Variants in COPG2 observed in about 807,000 individuals in gnomAD.
The protein encoded by COPG2 is coat protein complex I subunit gamma 2.
A neutral mutation model predicts 46.3 loss-of-function variants in COPG2; 37 were observed. The ratio of observed to expected loss-of-function variants is 0.80; its 90% CI spans 0.61 to 1.05. The LOEUF (loss-of-function observed/expected upper bound fraction) is 1.05. Ranked by LOEUF, COPG2 falls within the 50% of genes least tolerant of loss-of-function variation. COPG2 has a pLI of 0.00. For missense variants in COPG2, 427 were observed against 387.8 expected (o/e 1.10, Z -0.85); for synonymous variants, 159 against 129.7 (o/e 1.23, Z -1.53).
At chr7:130,558,340 C>A (rs1032450523) in intron 12 of COPG2, among the ~76,000 whole-genome samples, 2 of 152,164 alleles carry the variant, frequency 1.3e-5, no homozygotes, top group African/African-American at 4.8e-5. Context: ...CTCCACACCC[C>A]CCTTGGTCAT....
intron 9 of COPG2, among the ~76,000 whole-genome samples, chr7:130,564,664 C>T (rs1793774403): frequency 6.6e-6 from 1 of 152,166 alleles, no homozygotes. Flanking sequence ...GGTGAAGTTT[C>T]TGGTGTTTTA....
chr7:130,659,919 T>G (rs1312399268), intron 4 of COPG2, among the ~76,000 whole-genome samples: 1 of 151,912 alleles, frequency 6.6e-6, no homozygotes, highest in Non-Finnish European at 1.5e-5. Context: ...ACAACAACAT[T>G]GCAAAAGAAG....
intron 20 of COPG2, among the ~76,000 whole-genome samples, chr7:130,532,219 C>A (rs1266425794): frequency 3.3e-5 from 5 of 152,310 alleles, no homozygotes; most frequent in Admixed American, 2.0e-4. Flanking sequence ...GATGTAGCTG[C>A]AAAGGCAATG....
At chr7:130,512,273 T>A (rs377487727) in intron 20 of COPG2, among the ~76,000 whole-genome samples, 1 of 150,526 alleles carries the variant, frequency 6.6e-6, no homozygotes, top group African/African-American at 2.4e-5. Flanking sequence ...CCAAGCCCCA[T>A]TGCACTCCAG....
chr7:130,574,810 G>A (rs1793975156), intron 9 of COPG2, among the ~76,000 whole-genome samples: 1 of 152,000 alleles, frequency 6.6e-6, no homozygotes, highest in Non-Finnish European at 1.5e-5. Flanking sequence ...AATGATACAA[G>A]AAGTGAAGGG....
intron 20 of COPG2, among the ~76,000 whole-genome samples, chr7:130,512,474 T>C (rs1239544795): frequency 6.6e-6 from 1 of 151,254 alleles, no homozygotes; most frequent in East Asian, 2.0e-4. Flanking sequence ...AAAAAGTCTA[T>C]ATCTATTTCT....
At chr7:130,513,405 A>ATGTGTGTGTGTGTG (rs1799644321) in intron 20 of COPG2, among the ~76,000 whole-genome samples, 1 of 134,256 alleles carries the variant, frequency 7.4e-6, no homozygotes, top group African/African-American at 2.7e-5. Context: ...ATATATATAC[A>ATGTGTGTGTGTGTG]CATATACATA....
chr7:130,524,846 T>G (rs994505599), intron 20 of COPG2, among the ~76,000 whole-genome samples: 6 of 151,890 alleles, frequency 4.0e-5, no homozygotes, highest in Non-Finnish European at 5.9e-5. Flanking sequence ...GTGGATTGAG[T>G]TCGACAGAGG....
intron 22 of COPG2, 119 bp from the exon 23 acceptor site, chr7:130,507,491 G>C: frequency 1.4e-6 from 1 of 717,382 alleles, no homozygotes. Context: ...GGTTGTTGGT[G>C]ATGTGTAGAG....
rs1794895380 is a variant in COPG2 at position 130,613,559 on chromosome 7, T to C, written c.477A>G (p.Ala159=). 1.3e-6 allele frequency: 2 copies of C among 1,593,430 alleles called. No individual in the cohort carries two copies. The highest frequency in any genetic ancestry group is 1.7e-6 in the Non-Finnish European group (2 of 1,167,166). ...GTTCACTTACCAGGGAAGATACCAG[T>C]GCTGAACTGGATACACTGGAAACTT... The part of the protein sequence containing the change: ...VDKVSSVSSS[A]LVSSLHMMKI... The change falls in exon 7 of 24, where the codon GCA becomes GCG. Residue 159 remains alanine (A), a synonymous_variant. Coordinates refer to ENST00000425248, the MANE Select transcript of COPG2 (RefSeq NM_012133.6).
chr7:130,647,018 T>C (rs113993068), intron 5 of COPG2, among the ~76,000 whole-genome samples: 1 of 141,018 alleles, frequency 7.1e-6, no homozygotes, highest in Non-Finnish European at 1.5e-5. Context: ...TATGTATATA[T>C]ATATATGTGT....
chr7:130,650,848 T>G (rs1231327158), intron 5 of COPG2, among the ~76,000 whole-genome samples: 1 of 152,150 alleles, frequency 6.6e-6, no homozygotes, highest in Non-Finnish European at 1.5e-5. Flanking sequence ...GCATCTATTT[T>G]GCAACAATGG....
intron 20 of COPG2, chr7:130,509,694 C>CT (rs782221020): frequency 3.8e-6 from 2 of 519,540 alleles, no homozygotes; most frequent in Admixed American, 1.9e-5. Context: ...AAAAAGATGA[C>CT]TGAGACATGA....
chr7:130,543,919 T>C (rs973430063), intron 20 of COPG2, among the ~76,000 whole-genome samples: 4 of 152,246 alleles, frequency 2.6e-5, no homozygotes, highest in Non-Finnish European at 5.9e-5. Flanking sequence ...GTTTGAGGAA[T>C]GGCAGACTGG....
At chr7:130,667,134 T>C (rs1554461590) in intron 2 of COPG2, among the ~76,000 whole-genome samples, 1 of 152,218 alleles carries the variant, frequency 6.6e-6, no homozygotes, top group East Asian at 1.9e-4. Flanking sequence ...GGTTGACTAC[T>C]TCAACTTTAT....
Position 130,666,934 on chromosome 7 carries a change from G to A in COPG2, c.91-5C>T, listed in dbSNP as rs1563075714. ...AGTTTCATTGAATATACGAGCCTAT[G>A]AAAAAACATAAAAAACATTGCTACT... On this transcript the variant is annotated splice_polypyrimidine_tract_variant and splice_region_variant and intron_variant, in intron 2 of 23. Transcript: ENST00000425248. The A allele has an allele frequency of 6.7e-7, 1 of 1,503,224 alleles. No individual in the cohort carries two copies. The highest frequency in any genetic ancestry group is 9.1e-7 in the Non-Finnish European group (1 of 1,103,662). 93.1% of individuals were successfully genotyped at this position (1,503,224 alleles called of 1,614,324 possible).
At chr7:130,648,202 T>C (rs1461180825) in intron 5 of COPG2, among the ~76,000 whole-genome samples, 1 of 152,186 alleles carries the variant, frequency 6.6e-6, no homozygotes, top group Non-Finnish European at 1.5e-5. Flanking sequence ...AAAGGTCATC[T>C]ATAATATTAG....
At chr7:130,535,749 T>C (rs1799873829) in intron 20 of COPG2, among the ~76,000 whole-genome samples, 1 of 149,140 alleles carries the variant, frequency 6.7e-6, no homozygotes, top group African/African-American at 2.5e-5. Flanking sequence ...TGGGGTGAAG[T>C]GGGCCAAGCT....
chr7:130,571,266 G>A (rs1793892701), intron 9 of COPG2, among the ~76,000 whole-genome samples: 1 of 152,148 alleles, frequency 6.6e-6, no homozygotes, highest in African/African-American at 2.4e-5. Context: ...ACAACCCACA[G>A]AGTGGGAGAA....
Sources: gnomAD v4.1 joint callset for allele counts (sites outside exome capture counted in the v4.1 genomes callset) on GRCh38, gnomAD v4.1.1 for gene constraint, MANE v1.5 for transcripts, NCBI Gene and HGNC (gene_info 2026-07-23, HGNC 2026-07-21) for gene names.